Variants in NRXN3 observed in about 807,000 individuals in gnomAD.
NRXN3 encodes the protein neurexin 3, also known as neurexin III.
A neutral mutation model predicts 137.6 loss-of-function variants in NRXN3; 32 were observed. The ratio of observed to expected loss-of-function variants is 0.23; its 90% CI spans 0.18 to 0.31. The LOEUF is 0.31. Among genes scored for constraint, NRXN3 ranks in the 10% least tolerant of loss-of-function variants. The probability of loss-of-function intolerance (pLI) is 1.00; values close to 1 mark genes in which losing one functional copy is unlikely to be tolerated. For synonymous variants in NRXN3, 798 were observed against 784.5 expected, an observed-to-expected ratio of 1.02 and a Z score of -0.29; for missense variants, 1,574 against 2,062.5, an observed-to-expected ratio of 0.76 and a Z score of 4.59.
At chr14:78,345,526 T>C (rs1301927141) in intron 4 of NRXN3, among the ~76,000 whole-genome samples, 1 of 152,134 alleles carries the variant, frequency 6.6e-6, no homozygotes, top group Non-Finnish European at 1.5e-5. Flanking sequence ...CACCTGCCTC[T>C]TCCCAAGGGA....
rs1389363430 is a variant in NRXN3 at position 79,697,921 on chromosome 14, C to T, written c.3998C>T (p.Ser1333Phe). The change falls in exon 19 of 21, where the codon TCT becomes TTT. Residue 1333 changes from serine to phenylalanine, a missense_variant. Transcript: ENST00000335750. ...ACTACCACAACCCGTAAGAATCGCT[C>T]TACAGCCAGCATTCAGGTAGGCCTT... is the stretch of plus-strand genomic sequence containing the variant. ...MATTTTRKNRSTASIQPTSDD... is the reference protein window; with the variant it reads ...MATTTTRKNRFTASIQPTSDD... The T allele has an allele frequency of 5.0e-6, 8 of 1,609,994 alleles. No individual in the cohort carries two copies. In the East Asian group the frequency reaches 1.8e-4, roughly 36 times the overall value.
At chr14:79,635,969 C>T (rs2098400776) in intron 16 of NRXN3, among the ~76,000 whole-genome samples, 4 of 152,118 alleles carry the variant, frequency 2.6e-5, no homozygotes, top group Non-Finnish European at 5.9e-5. Context: ...CCACCAAGAC[C>T]CAGTGACTCC....
Position 78,677,427 on chromosome 14 carries a change from G to A in NRXN3, c.1221+26101G>A, listed in dbSNP as rs550775634. On this transcript the variant is annotated intron_variant, in intron 6 of 20. Transcript: ENST00000335750. ...GTAACTGCAGATGTGGTGAAAATAG[G>A]AAAAAAAAAAACCCTGGAAGGAGAG... 6.3e-4 allele frequency among the ~76,000 whole-genome samples: 91 copies of A among 144,256 alleles called. 2 individuals carry two copies. In the South Asian group the frequency reaches 0.018, roughly 29 times the overall value. The allele number at this position is 144,256 out of a possible 152,430, so 94.6% of individuals were successfully genotyped here.
chr14:79,565,310 C>CACACACATAT (rs1567520591), intron 16 of NRXN3, among the ~76,000 whole-genome samples: 6 of 114,044 alleles, frequency 5.3e-5, no homozygotes, highest in Non-Finnish European at 1.1e-4. Context: ...TATACATATA[C>CACACACATAT]ACACACATGT....
At chr14:78,795,449 G>A (rs777032150) in intron 8 of NRXN3, among the ~76,000 whole-genome samples, 71 of 152,104 alleles carry the variant, frequency 4.7e-4, no homozygotes, top group Non-Finnish European at 8.4e-4. Flanking sequence ...ACTGGTCAGA[G>A]GATGGAAATT....
At chr14:79,069,800 T>G (rs955279456) in intron 15 of NRXN3, among the ~76,000 whole-genome samples, 3 of 152,102 alleles carry the variant, frequency 2.0e-5, no homozygotes, top group Non-Finnish European at 2.9e-5. Flanking sequence ...GCCCAGACAA[T>G]GTGATGGATT....
intron 15 of NRXN3, among the ~76,000 whole-genome samples, chr14:79,106,338 TCTTGA>T (rs2052432289): frequency 6.6e-6 from 1 of 152,108 alleles, no homozygotes; most frequent in South Asian, 2.1e-4. Flanking sequence ...AGATGTTTTA[TCTTGA>T]TAATATTTCT....
chr14:78,904,599 A>G (rs149426633), intron 10 of NRXN3, among the ~76,000 whole-genome samples: 52 of 152,074 alleles, frequency 3.4e-4, no homozygotes, highest in African/African-American at 1.1e-3. Context: ...TCTCCCTCGA[A>G]TTCTAGCTTC....
Position 79,714,805 on chromosome 14 carries a change from C to A in NRXN3, c.4014+16868C>A, listed in dbSNP as rs184237937. Among the ~76,000 whole-genome samples the A allele has an allele frequency of 2.6e-3, 399 of 152,314 alleles. 4 individuals carry two copies. Among genetic ancestry groups the A allele is most frequent in the African/African-American group, 9.2e-3 (383 of 41,558 alleles). On this transcript the variant is annotated intron_variant, in intron 19 of 20. Coordinates refer to ENST00000335750, the MANE Select transcript of NRXN3 (RefSeq NM_001330195.2). ...GGCATTTTTGTAAGGGAGTTTGCCT[C>A]CGTCCTCTGTTGTAAACATTTTCCT...
At chr14:79,757,097 G>C (rs994377946) in intron 19 of NRXN3, among the ~76,000 whole-genome samples, 2 of 152,048 alleles carry the variant, frequency 1.3e-5, no homozygotes, top group Non-Finnish European at 2.9e-5. Context: ...AGCCCTACTG[G>C]TACTTAAGCT....
chr14:78,718,365 A>C (rs185059788), intron 8 of NRXN3, among the ~76,000 whole-genome samples: 2 of 152,236 alleles, frequency 1.3e-5, no homozygotes, highest in East Asian at 3.9e-4. Flanking sequence ...ACACTGAAGA[A>C]AGCATAGATG....
At chr14:78,930,663 G>A (rs948314785) in intron 10 of NRXN3, among the ~76,000 whole-genome samples, 12 of 152,180 alleles carry the variant, frequency 7.9e-5, no homozygotes, top group Non-Finnish European at 1.5e-5. Flanking sequence ...TTACAGATGA[G>A]GAACCCGAAA....
chr14:78,524,391 C>A (rs1167015064), intron 4 of NRXN3, among the ~76,000 whole-genome samples: 2 of 152,240 alleles, frequency 1.3e-5, no homozygotes, highest in African/African-American at 2.4e-5. Context: ...TTAACACAAT[C>A]ACTGAACCAG....
At chr14:79,596,893 G>T (rs1386201160) in intron 16 of NRXN3, among the ~76,000 whole-genome samples, 1 of 152,104 alleles carries the variant, frequency 6.6e-6, no homozygotes, top group Non-Finnish European at 1.5e-5. Flanking sequence ...GTCCAAGATA[G>T]CCATGCTCCC....
chr14:78,851,815 G>GT (rs1184003057), intron 10 of NRXN3, among the ~76,000 whole-genome samples: 2 of 152,106 alleles, frequency 1.3e-5, no homozygotes, highest in Admixed American at 1.3e-4. Context: ...AGGCAGAACT[G>GT]TATTTTAAAT....
At chr14:79,600,779 G>C in intron 16 of NRXN3, among the ~76,000 whole-genome samples, 1 of 152,064 alleles carries the variant, frequency 6.6e-6, no homozygotes, top group Non-Finnish European at 1.5e-5. Flanking sequence ...AAAGGGACAA[G>C]GCATCCTTGG....
intron 4 of NRXN3, among the ~76,000 whole-genome samples, chr14:78,479,643 C>G (rs1266929812): frequency 5.3e-5 from 8 of 152,146 alleles, no homozygotes; most frequent in Non-Finnish European, 1.0e-4. Flanking sequence ...ATGAGCTCTT[C>G]CAGTTTTTCT....
At chr14:79,788,891 A>G (rs1019019544) in intron 19 of NRXN3, among the ~76,000 whole-genome samples, 27 of 152,356 alleles carry the variant, frequency 1.8e-4, no homozygotes, top group African/African-American at 6.3e-4. Flanking sequence ...ATACCATTTC[A>G]GCAGGTATAA....
At chr14:78,736,491 A>G (rs997450145) in intron 8 of NRXN3, among the ~76,000 whole-genome samples, 11 of 152,214 alleles carry the variant, frequency 7.2e-5, no homozygotes, top group African/African-American at 2.7e-4. Context: ...GGCATGTACT[A>G]TGTGCCAGAC....
Sources: gnomAD v4.1 joint callset for allele counts (sites outside exome capture counted in the v4.1 genomes callset) on GRCh38, gnomAD v4.1.1 for gene constraint, MANE v1.5 for transcripts, NCBI Gene and HGNC (gene_info 2026-07-23, HGNC 2026-07-21) for gene names.